RALGAPA1: variants seen among roughly 807,000 people sequenced by gnomAD.
The protein encoded by RALGAPA1 is ral GTPase-activating protein subunit alpha-1.
RALGAPA1 carries 52 observed loss-of-function variants against 269.6 expected under a neutral mutation model. That is an observed-to-expected ratio of 0.19 (90% CI 0.15 to 0.24). The LOEUF is 0.24. Among genes scored for constraint, RALGAPA1 ranks in the 10% least tolerant of loss-of-function variants. RALGAPA1 has a pLI of 1.00. For synonymous variants in RALGAPA1, 817 were observed against 1,008.3 expected (o/e 0.81, Z 3.60); for missense variants, 1,917 against 3,013.9 (o/e 0.64, Z 8.52).
rs780486686 is a variant in RALGAPA1 at position 35,627,310 on chromosome 14, C to T, written c.6637G>A (p.Ala2213Thr). Residue 2213 changes from alanine (A) to threonine (T), a missense_variant, in exon 34 of 42, where the codon GCT (alanine) becomes ACT (threonine). Physicochemically the swap from Ala to Thr is moderately conservative, Grantham distance 58 (BLOSUM62 0). Around this residue, in one of 11 missense-constraint regions of RALGAPA1, gnomAD observed 132 missense variants for 271.2 expected, o/e 0.49. Transcript: ENST00000680220. ...QRTGISLNIP[A>T]PQPVCISEKQ... ...TCAGAAATGCACACAGGTTGTGGAG[C>T]AGGAATATTAAGTGAGATTCCAGTT... 1 of 1,609,640 alleles carries T rather than the reference C, an allele frequency of 6.2e-7. No homozygotes were observed. The highest frequency in any genetic ancestry group is 1.3e-5 in the African/African-American group (1 of 74,606).
chr14:35,691,994 C>A (rs2066517849), intron 17 of RALGAPA1, among the ~76,000 whole-genome samples: 1 of 152,090 alleles, frequency 6.6e-6, no homozygotes, highest in Non-Finnish European at 1.5e-5. Flanking sequence ...TGCACTTATA[C>A]TCATTAAGCG....
intron 27 of RALGAPA1, among the ~76,000 whole-genome samples, chr14:35,664,186 C>T (rs2140157482): frequency 6.6e-6 from 1 of 152,214 alleles, no homozygotes; most frequent in African/African-American, 2.4e-5. Flanking sequence ...CCCCTAAATG[C>T]CTCTGGTACA....
chr14:35,751,026 G>A (rs1462533123), intron 8 of RALGAPA1, among the ~76,000 whole-genome samples: 1 of 152,186 alleles, frequency 6.6e-6, no homozygotes, highest in Non-Finnish European at 1.5e-5. Flanking sequence ...ATAGTTTGAA[G>A]TCATACAAAA....
At chr14:35,801,829 C>T (rs1178764468) in intron 1 of RALGAPA1, among the ~76,000 whole-genome samples, 1 of 152,082 alleles carries the variant, frequency 6.6e-6, no homozygotes, top group Admixed American at 6.6e-5. Flanking sequence ...ATTGCTTTAC[C>T]CCTAAGATCA....
chr14:35,659,565 C>T (rs1283296388), intron 27 of RALGAPA1, among the ~76,000 whole-genome samples: 1 of 151,868 alleles, frequency 6.6e-6, no homozygotes, highest in Non-Finnish European at 1.5e-5. Context: ...TAAGAAGAAT[C>T]TTTCTCAAAC....
intron 3 of RALGAPA1, among the ~76,000 whole-genome samples, chr14:35,772,060 AT>A (rs981720085): frequency 9.3e-5 from 14 of 150,222 alleles, no homozygotes; most frequent in Middle Eastern, 3.5e-3. Context: ...ATGAGAGCAA[AT>A]TTTTTTTTTA....
At chr14:35,585,995 A>T (rs1243885756) in intron 37 of RALGAPA1, among the ~76,000 whole-genome samples, 2 of 152,194 alleles carry the variant, frequency 1.3e-5, no homozygotes. Context: ...GAAGAAAGTC[A>T]TTTGTAGCTT....
intron 1 of RALGAPA1, among the ~76,000 whole-genome samples, chr14:35,776,708 T>C (rs775953085): frequency 1.3e-5 from 2 of 152,116 alleles, no homozygotes; most frequent in Non-Finnish European, 2.9e-5. Context: ...GAAAAGACTT[T>C]TAAGGACAGG....
chr14:35,781,601 TCTATCTAC>T (rs2075434177), intron 1 of RALGAPA1, among the ~76,000 whole-genome samples: 1 of 135,036 alleles, frequency 7.4e-6, no homozygotes, highest in South Asian at 2.4e-4. Flanking sequence ...TATCTATCTA[TCTATCTAC>T]ACACACACAT....
At chr14:35,746,314 C>G (rs2072093140) in intron 10 of RALGAPA1, among the ~76,000 whole-genome samples, 1 of 152,082 alleles carries the variant, frequency 6.6e-6, no homozygotes, top group Non-Finnish European at 1.5e-5. Context: ...GTGGGATGAA[C>G]AGGTTCTGGA....
chr14:35,624,004 G>A (rs773962608), intron 35 of RALGAPA1, among the ~76,000 whole-genome samples: 6 of 151,456 alleles, frequency 4.0e-5, no homozygotes, highest in East Asian at 1.9e-4. Flanking sequence ...GGAGACTGGC[G>A]TGAACCCGGG....
At chr14:35,734,904 C>T (rs2070832179) in intron 12 of RALGAPA1, among the ~76,000 whole-genome samples, 1 of 151,818 alleles carries the variant, frequency 6.6e-6, no homozygotes, top group South Asian at 2.1e-4. Flanking sequence ...CATGAACAGA[C>T]AATTCTCAAA....
chr14:35,592,226 T>G (rs1306720958), intron 37 of RALGAPA1, among the ~76,000 whole-genome samples: 1 of 152,296 alleles, frequency 6.6e-6, no homozygotes, highest in South Asian at 2.1e-4. Flanking sequence ...TATAAAGGAC[T>G]ATTATAAACA....
At chr14:35,678,971 C>A (rs2065189786) in intron 21 of RALGAPA1, among the ~76,000 whole-genome samples, 1 of 152,170 alleles carries the variant, frequency 6.6e-6, no homozygotes, top group Non-Finnish European at 1.5e-5. Flanking sequence ...ACTTATCACA[C>A]TGACTTGAAA....
intron 31 of RALGAPA1, among the ~76,000 whole-genome samples, chr14:35,636,189 G>C (rs1444688424): frequency 6.6e-6 from 1 of 151,868 alleles, no homozygotes; most frequent in African/African-American, 2.4e-5. Context: ...GGGACTACAA[G>C]GTGCACACCA....
rs1285272997 is a variant in RALGAPA1 at position 35,760,854 on chromosome 14, A to G, written c.522T>C (p.Ile174=). The G allele has an allele frequency of 1.2e-6, 2 of 1,611,538 alleles. No individual in the cohort carries two copies. The highest frequency in any genetic ancestry group is 2.7e-5 in the African/African-American group (2 of 74,966). Residue 174 remains isoleucine (I), a synonymous_variant, in exon 6 of 42, where the codon ATT becomes ATC. Coordinates refer to ENST00000680220, the MANE Select transcript of RALGAPA1 (RefSeq NM_001346249.2). The part of the protein sequence containing the change: ...EHGPRTLDNL[I]NPPLNLQETQ... ...TTTCTTGAAGGTTGAGTGGAGGATT[A>G]ATGAGATTATCTAAAGTTCGAGGTC...
intron 37 of RALGAPA1, among the ~76,000 whole-genome samples, chr14:35,584,666 A>C (rs1479888328): frequency 6.6e-6 from 1 of 152,238 alleles, no homozygotes; most frequent in East Asian, 1.9e-4. Flanking sequence ...TTAAAAAAAG[A>C]AGCATAATTG....
In RALGAPA1 at chr14:35,672,859, A is replaced by G. The variant is rs2064594365; in HGVS notation, c.5073+8T>C. The G allele has an allele frequency of 2.0e-6, 3 of 1,522,556 alleles. No individual in the cohort carries two copies. The highest frequency in any genetic ancestry group is 4.6e-5 in the Admixed American group (2 of 43,690). 94.3% of individuals were successfully genotyped at this position (1,522,556 alleles called of 1,614,324 possible). A position where few individuals can be genotyped will look rare whatever the true frequency, so the allele number is the denominator to read the frequency against. On this transcript the variant is annotated splice_region_variant and intron_variant, in intron 25 of 41. Transcript: ENST00000680220. ...TACTTCTTAGATGATACATATATAT[A>G]TAGTTACCTGGTCAATATGAAGTAA...
At chr14:35,659,975 C>T (rs187606939) in intron 27 of RALGAPA1, among the ~76,000 whole-genome samples, 5 of 152,004 alleles carry the variant, frequency 3.3e-5, no homozygotes, top group African/African-American at 9.6e-5. Context: ...ATGAAAAATA[C>T]GACATCCTTT....
Sources: allele counts gnomAD v4.1 joint callset (sites outside exome capture counted in the v4.1 genomes callset), GRCh38; gene constraint gnomAD v4.1.1; regional missense constraint gnomAD v4.1.1; transcripts MANE v1.5; gene names NCBI Gene and HGNC (gene_info 2026-07-23, HGNC 2026-07-21).